The following ZC3H18 variants were observed in gnomAD, a reference collection of about 807,000 sequenced individuals.
ZC3H18 encodes zinc finger CCCH-type containing 18.
A neutral mutation model predicts 106.1 loss-of-function variants in ZC3H18; 8 were observed. The ratio of observed to expected loss-of-function variants is 0.08; its 90% CI spans 0.04 to 0.14. ZC3H18 has a LOEUF of 0.14. Ranked by LOEUF, ZC3H18 falls within the 10% of genes least tolerant of loss-of-function variation. The pLI, the probability that ZC3H18 is intolerant of heterozygous loss-of-function variation, is 1.00. For synonymous variants in ZC3H18, 635 were observed against 522.1 expected (o/e 1.22, Z -2.95); for missense variants, 1,318 against 1,278.4 (o/e 1.03, Z -0.47).
At position 88,622,479 on chromosome 16, in the gene ZC3H18, C is replaced by A; in HGVS notation, c.1667+91C>A. On this transcript the variant is annotated intron_variant, in intron 9 of 17. Transcript: ENST00000301011. ...CTCACTGGGTCAGGTGGGGAACACC[C>A]CAGCCCCACTGTTTGCTGTGGCGTC... The A allele has an allele frequency of 3.6e-6, 5 of 1,385,406 alleles. 1 individual carries two copies. The highest frequency in any genetic ancestry group is 3.9e-6 in the Non-Finnish European group (4 of 1,037,426). 85.8% of individuals were successfully genotyped at this position (1,385,406 alleles called of 1,614,324 possible). A position where few individuals can be genotyped will look rare whatever the true frequency, so the allele number is the denominator to read the frequency against.
chr16:88,617,125 T>G (rs1378962382), intron 8 of ZC3H18, among the ~76,000 whole-genome samples: 1 of 152,166 alleles, frequency 6.6e-6, no homozygotes, highest in African/African-American at 2.4e-5. Context: ...CCTCTGTCCA[T>G]GGGGGAGCCA....
Position 88,598,473 on chromosome 16 carries a change from G to A in ZC3H18, c.837+147G>A, listed in dbSNP as rs546202261. On this transcript the variant is annotated intron_variant, in intron 4 of 17. Transcript: ENST00000301011. ...GTCGTCCCGAGTGGAAGCAGGCCTC[G>A]GCTTTCCGAGGACGGAGTGAGGCTT... The A allele has an allele frequency of 4.9e-5, 71 of 1,460,480 alleles. 1 individual carries two copies. The South Asian group carries it at 5.0e-4, about 10-fold the overall frequency. The allele number at this position is 1,460,480 out of a possible 1,614,324, so 90.5% of individuals were successfully genotyped here.
At chr16:88,578,700 C>CT (rs202009762) in intron 2 of ZC3H18, among the ~76,000 whole-genome samples, 2,592 of 151,896 alleles carry the variant, frequency 0.017, 49 homozygotes, top group African/African-American at 0.042. Flanking sequence ...TGCCATGCTC[C>CT]TTTTTTTTGA....
rs912827874 is a variant in ZC3H18, at chr16:88,625,220, C to T, written c.2061C>T (p.Ser687=). 10 of 1,591,570 alleles carry T rather than the reference C, an allele frequency of 6.3e-6. No individual in the cohort carries two copies. Among genetic ancestry groups the T allele is most frequent in the Middle Eastern group, 1.7e-4 (1 of 6,052 alleles). ...TPPRRRTLSG[S]GSGSGSSYSG... ...ATTACAGGCGGACGCTAAGCGGCAG[C>T]GGCAGTGGCAGTGGTAGCAGCTATA... Residue 687 remains serine, a synonymous_variant, in exon 13 of 18, where the codon AGC becomes AGT. Coordinates refer to ENST00000301011, the MANE Select transcript of ZC3H18 (RefSeq NM_144604.4).
chr16:88,625,099 G>A lies in ZC3H18; in HGVS notation c.2043-103G>A, dbSNP rs1310283472. 9 of 1,363,896 alleles carry A rather than the reference G, an allele frequency of 6.6e-6. No homozygotes were observed. In the African/African-American group the frequency reaches 8.6e-5, roughly 13 times the overall value. 84.5% of individuals were successfully genotyped at this position (1,363,896 alleles called of 1,614,324 possible). A position where few individuals can be genotyped will look rare whatever the true frequency, so the allele number is the denominator to read the frequency against. On this transcript the variant is annotated intron_variant, in intron 12 of 17. Transcript: ENST00000301011. ...GGCCCTGTTCCAAGGTGGTAGCAAG[G>A]CCAGTCTGGAGGCTCACCTCACAGG...
chr16:88,627,679 T>G lies in ZC3H18; in HGVS notation c.2166T>G (p.Ser722=). The change falls in exon 14 of 18, where the codon TCT becomes TCG. Residue 722 remains serine (S), a synonymous_variant. Transcript: ENST00000301011. The surrounding 1 kb of genome is among the most constrained non-coding windows in gnomAD (Gnocchi z 4.5). ...CCAGTGCTACGTCGAGCAGCAGCTCTGCACACAGCGTGGACTCGGAGGACA... is the reference window on the plus strand; with the variant it reads ...CCAGTGCTACGTCGAGCAGCAGCTCGGCACACAGCGTGGACTCGGAGGACA... ...SVSSATSSSS[S]AHSVDSEDMY... 3 of 1,613,752 alleles carry G rather than the reference T, an allele frequency of 1.9e-6. No homozygotes were observed. The highest frequency in any genetic ancestry group is 1.1e-5 in the South Asian group (1 of 91,082).
Position 88,598,293 on chromosome 16 carries a change from C to G in ZC3H18, c.804C>G (p.Leu268=). The G allele has an allele frequency of 6.2e-7, 1 of 1,606,530 alleles. No individual in the cohort carries two copies. The highest frequency in any genetic ancestry group is 1.3e-5 in the African/African-American group (1 of 74,458). The part of the protein sequence containing the change: ...DPFPPNGAPP[L]GPHPLMPANP... ...TCCCGCCTAATGGTGCCCCGCCTCTCGGACCTCACCCGCTGATGCCCGCCA... is the reference window on the plus strand; with the variant it reads ...TCCCGCCTAATGGTGCCCCGCCTCTGGGACCTCACCCGCTGATGCCCGCCA... The change falls in exon 4 of 18, where the codon CTC becomes CTG. Residue 268 remains leucine (L), a synonymous_variant. Transcript: ENST00000301011.
At chr16:88,626,886 C>T (rs1203433851) in intron 13 of ZC3H18, among the ~76,000 whole-genome samples, 2 of 152,306 alleles carry the variant, frequency 1.3e-5, no homozygotes, top group Non-Finnish European at 2.9e-5. Flanking sequence ...TCCAGTCTGT[C>T]TGCCGTGTGT....
Position 88,580,208 on chromosome 16 carries a change from GTATATGTA to G in ZC3H18, c.603+2486_603+2493del, listed in dbSNP as rs760405524. Among the ~76,000 whole-genome samples, 254 of 50,144 alleles carry G rather than the reference GTATATGTA, an allele frequency of 5.1e-3. 2 individuals carry two copies. Among genetic ancestry groups the G allele is most frequent in the African/African-American group, 8.1e-3 (123 of 15,160 alleles). The allele number at this position is 50,144 out of a possible 152,430, so 32.9% of individuals were successfully genotyped here. The stretch of plus-strand genomic sequence containing the variant: ...TGTGTGTGTGTGTGTGTGTGTGTGT[GTATATGTA>G]TATGTCTCTGCCTGCTGCTTCCCCT... On this transcript the variant is annotated intron_variant, in intron 2 of 17. Transcript: ENST00000301011.
intron 7 of ZC3H18, among the ~76,000 whole-genome samples, chr16:88,610,870 A>G (rs772656597): frequency 6.6e-6 from 1 of 152,276 alleles, no homozygotes; most frequent in Non-Finnish European, 1.5e-5. Context: ...GCGGAAGGCC[A>G]TCTGTGCCAA....
intron 9 of ZC3H18, chr16:88,622,791 C>T (rs763136665): frequency 6.9e-5 from 19 of 277,028 alleles, no homozygotes; most frequent in African/African-American, 3.6e-4. Context: ...GCCCGGCTCC[C>T]GAGTGAGGGA....
At chr16:88,577,086 C>A in intron 1 of ZC3H18, 24 bp from the exon 2 acceptor site, 1 of 1,500,340 alleles carries the variant, frequency 6.7e-7, no homozygotes, top group South Asian at 1.4e-5. Flanking sequence ...TAAAGGCTGT[C>A]AATCTGTATT....
At position 88,631,202 on chromosome 16, in the gene ZC3H18, C is replaced by G; in HGVS notation, c.2765C>G (p.Ala922Gly). The G allele has an allele frequency of 6.2e-7, 1 of 1,613,884 alleles. No individual in the cohort carries two copies. Among genetic ancestry groups the G allele is most frequent in the East Asian group, 2.2e-5 (1 of 44,874 alleles). Reference sequence around the variant, plus strand: ...GCCGCCAGCACCAAATCAGGGAAGGCCAGCACGCTGTCTCGGCGGGAGGAG... The same window carrying G: ...GCCGCCAGCACCAAATCAGGGAAGGGCAGCACGCTGTCTCGGCGGGAGGAG... ...PGAASTKSGK[A>G]STLSRREELL... Residue 922 changes from alanine (A) to glycine (G), a missense_variant, in exon 18 of 18, where the codon GCC (alanine) becomes GGC (glycine). Around this residue, in one of 6 missense-constraint regions of ZC3H18, gnomAD observed 848 missense variants for 821.7 expected, o/e 1.03. Coordinates refer to ENST00000301011, the MANE Select transcript of ZC3H18 (RefSeq NM_144604.4).
chr16:88,630,768 A>C (rs866919246), intron 17 of ZC3H18, among the ~76,000 whole-genome samples, 187 bp downstream of exon 17: 16,648 of 36,224 alleles, frequency 0.46, 3,171 homozygotes, highest in African/African-American at 0.56. Flanking sequence ...CCCCCCCCAC[A>C]CACACACACA....
At chr16:88,615,380 A>T (rs1905535035) in intron 8 of ZC3H18, among the ~76,000 whole-genome samples, 1 of 152,090 alleles carries the variant, frequency 6.6e-6, no homozygotes, top group Admixed American at 6.5e-5. Flanking sequence ...GAGCCCTTGC[A>T]GCAGATGGTC....
chr16:88,577,522 G>C lies in ZC3H18; in HGVS notation c.399G>C (p.Glu133Asp), dbSNP rs997353461. ...LDEHELDYDE[E>D]VPEEPAPAVQ... ...AGCATGAGCTAGACTACGATGAGGA[G>C]GTTCCTGAGGAGCCAGCTCCCGCCG... The change falls in exon 2 of 18, where the codon GAG becomes GAC. Residue 133 changes from glutamate to aspartate, a missense_variant. By Grantham distance (45) the Glu-to-Asp change is conservative (BLOSUM62 2). This residue lies in a region of ZC3H18 where 346 missense variants were observed against 269.0 expected (regional missense o/e 1.29). Transcript: ENST00000301011. The C allele has an allele frequency of 5.0e-6, 8 of 1,613,228 alleles. No homozygotes were observed. The highest frequency in any genetic ancestry group is 1.1e-5 in the South Asian group (1 of 91,062).
intron 6 of ZC3H18, 128 bp downstream of exon 6, chr16:88,600,076 T>A: frequency 8.2e-7 from 1 of 1,216,094 alleles, no homozygotes; most frequent in Non-Finnish European, 1.1e-6. Context: ...GGAGTCTCAG[T>A]GACGTTCCTG....
chr16:88,589,370 A>G (rs1433766588), intron 3 of ZC3H18, among the ~76,000 whole-genome samples: 5 of 152,248 alleles, frequency 3.3e-5, no homozygotes, highest in African/African-American at 4.8e-5. Context: ...ATTAATGTTC[A>G]CAGCAGCATA....
chr16:88,629,600 C>T (rs1336929541), intron 16 of ZC3H18, among the ~76,000 whole-genome samples: 1 of 152,234 alleles, frequency 6.6e-6, no homozygotes, highest in Non-Finnish European at 1.5e-5. Context: ...ACCCACATGC[C>T]TCGTGCCTTC....
Sources: allele counts gnomAD v4.1 joint callset (sites outside exome capture counted in the v4.1 genomes callset), GRCh38; gene constraint gnomAD v4.1.1; regional missense constraint gnomAD v4.1.1; non-coding constraint Gnocchi (gnomAD v3.1); transcripts MANE v1.5; gene names NCBI Gene and HGNC (gene_info 2026-07-23, HGNC 2026-07-21).